SCAPER: variants seen among roughly 807,000 people sequenced by gnomAD.
SCAPER encodes the protein S-phase cyclin A associated protein in the ER.
A neutral mutation model predicts 182.2 loss-of-function variants in SCAPER; 98 were observed. The ratio of observed to expected loss-of-function variants is 0.54; its 90% CI spans 0.46 to 0.64. SCAPER has a LOEUF of 0.64. Ranked by LOEUF, SCAPER falls within the 30% of genes least tolerant of loss-of-function variation. The pLI, the probability that SCAPER is intolerant of heterozygous loss-of-function variation, is 0.00. For synonymous variants in SCAPER, 605 were observed against 564.6 expected (o/e 1.07, Z -1.01); for missense variants, 1,432 against 1,690.0 (o/e 0.85, Z 2.68).
intron 26 of SCAPER, among the ~76,000 whole-genome samples, chr15:76,427,481 A>G (rs541798379): frequency 1.1e-4 from 16 of 152,230 alleles, no homozygotes; most frequent in Non-Finnish European, 1.8e-4. Context: ...ATCACTAATC[A>G]TCAAGGAAAT....
At chr15:76,471,573 A>C (rs1190022472) in intron 24 of SCAPER, among the ~76,000 whole-genome samples, 1 of 152,190 alleles carries the variant, frequency 6.6e-6, no homozygotes, top group East Asian at 1.9e-4. Flanking sequence ...TATTAGCTGC[A>C]GTTGCAGATA....
chr15:76,761,732 C>A (rs137890290), intron 14 of SCAPER, among the ~76,000 whole-genome samples: 1 of 152,106 alleles, frequency 6.6e-6, no homozygotes, highest in African/African-American at 2.4e-5. Flanking sequence ...ACGTTTCATG[C>A]GCACTTGAGA....
At chr15:76,536,443 A>G (rs185342543) in intron 23 of SCAPER, among the ~76,000 whole-genome samples, 1 of 152,356 alleles carries the variant, frequency 6.6e-6, no homozygotes, top group Admixed American at 6.5e-5. Flanking sequence ...TCTGTGTCTC[A>G]CTGTTCTTAT....
At chr15:76,713,846 T>C (rs1015101315) in intron 17 of SCAPER, among the ~76,000 whole-genome samples, 2 of 152,128 alleles carry the variant, frequency 1.3e-5, no homozygotes, top group Non-Finnish European at 2.9e-5. Flanking sequence ...AAGTTTGATA[T>C]ACATCTACTC....
At chr15:76,850,340 G>C (rs2070607642) in intron 4 of SCAPER, among the ~76,000 whole-genome samples, 1 of 152,086 alleles carries the variant, frequency 6.6e-6, no homozygotes, top group African/African-American at 2.4e-5. Context: ...TCTTCACTAG[G>C]CAGGGCCCAT....
At chr15:76,665,532 G>A in intron 21 of SCAPER, 121 bp downstream of exon 21, 1 of 1,187,844 alleles carries the variant, frequency 8.4e-7, no homozygotes, top group Non-Finnish European at 1.1e-6. Flanking sequence ...AGGCTCATCA[G>A]TGTTATTTCC....
intron 2 of SCAPER, among the ~76,000 whole-genome samples, chr15:76,874,412 A>G (rs1193679889): frequency 6.6e-6 from 1 of 152,174 alleles, no homozygotes; most frequent in Non-Finnish European, 1.5e-5. Context: ...CACCATATTA[A>G]ATCCCAAGAA....
intron 23 of SCAPER, among the ~76,000 whole-genome samples, chr15:76,508,043 T>C (rs1331490177): frequency 1.3e-5 from 2 of 152,246 alleles, no homozygotes; most frequent in African/African-American, 2.4e-5. Flanking sequence ...CAAAGCTTTA[T>C]AGTATGCCTT....
At chr15:76,802,809 C>CG (rs1285556681) in intron 6 of SCAPER, among the ~76,000 whole-genome samples, 1 of 152,048 alleles carries the variant, frequency 6.6e-6, no homozygotes, top group African/African-American at 2.4e-5. Flanking sequence ...TGGCAGGAGG[C>CG]GGGGGGAAGC....
Position 76,354,191 on chromosome 15 carries a change from C to A in SCAPER, c.3856-51G>T. The A allele has an allele frequency of 6.5e-7, 1 of 1,539,146 alleles. No individual in the cohort carries two copies. Among genetic ancestry groups the A allele is most frequent in the Non-Finnish European group, 8.8e-7 (1 of 1,141,236 alleles). On this transcript the variant is annotated intron_variant, in intron 29 of 31. Transcript: ENST00000563290. This position sits in a 1 kb window ranked among gnomAD's most constrained non-coding sequence, Gnocchi z 4.4. Reference sequence around the variant, plus strand: ...AGCTGCCGAAACGCCCCAGCCTGTCCCTCACCCACCTGCACAGTGTCGGCT... The same window carrying A: ...AGCTGCCGAAACGCCCCAGCCTGTCACTCACCCACCTGCACAGTGTCGGCT...
intron 25 of SCAPER, among the ~76,000 whole-genome samples, chr15:76,463,642 T>C (rs2049360527): frequency 1.3e-5 from 2 of 152,224 alleles, no homozygotes; most frequent in Non-Finnish European, 2.9e-5. Context: ...GCTAATAAAA[T>C]ATTTAATGCC....
chr15:76,507,035 G>C (rs1177966478), intron 23 of SCAPER, among the ~76,000 whole-genome samples: 5 of 152,146 alleles, frequency 3.3e-5, no homozygotes, highest in Non-Finnish European at 7.3e-5. Context: ...TAAAAAATAA[G>C]ATAGCAACTT....
chr15:76,843,397 A>C (rs566506897), intron 4 of SCAPER, among the ~76,000 whole-genome samples: 1 of 152,330 alleles, frequency 6.6e-6, no homozygotes, highest in Admixed American at 6.5e-5. Flanking sequence ...TATTTTGTAG[A>C]TGACAAAACT....
intron 23 of SCAPER, among the ~76,000 whole-genome samples, chr15:76,515,034 G>A (rs374693581): frequency 6.6e-6 from 1 of 152,180 alleles, no homozygotes. Flanking sequence ...GGTCAAGGAT[G>A]TTACAAGAAC....
intron 27 of SCAPER, among the ~76,000 whole-genome samples, chr15:76,400,594 G>C (rs967256502): frequency 2.0e-5 from 3 of 151,596 alleles, no homozygotes; most frequent in Non-Finnish European, 4.4e-5. Flanking sequence ...GAGACTGAAG[G>C]ATGAGAGGAA....
At chr15:76,674,676 A>G (rs2057257147) in intron 20 of SCAPER, among the ~76,000 whole-genome samples, 2 of 152,200 alleles carry the variant, frequency 1.3e-5, no homozygotes, top group Admixed American at 6.5e-5. Flanking sequence ...AATATGTCAC[A>G]TAAAGCGACC....
In SCAPER at chr15:76,841,720, A is replaced by C. The variant is rs764297456; in HGVS notation, c.393+14T>G. The C allele has an allele frequency of 1.9e-6, 3 of 1,612,304 alleles. No individual in the cohort carries two copies. Among genetic ancestry groups the C allele is most frequent in the Non-Finnish European group, 2.5e-6 (3 of 1,178,882 alleles). On this transcript the variant is annotated intron_variant, in intron 5 of 31. Transcript: ENST00000563290. ...GAGTTCAAATGGATTACAAGGCCTC[A>C]AAGCAAACCTTACCTTACATTCGAC...
intron 17 of SCAPER, among the ~76,000 whole-genome samples, chr15:76,713,740 T>C (rs1263373724): frequency 6.6e-6 from 1 of 152,098 alleles, no homozygotes; most frequent in Non-Finnish European, 1.5e-5. Flanking sequence ...GTAACTAACC[T>C]GCACATTGTG....
At chr15:76,434,034 T>C (rs761717751) in intron 26 of SCAPER, 44 bp downstream of exon 26, 2 of 1,498,114 alleles carry the variant, frequency 1.3e-6, no homozygotes, top group Admixed American at 3.9e-5. Flanking sequence ...TTTAATATAG[T>C]TTCTTAACAA....
Sources: allele counts gnomAD v4.1 joint callset (sites outside exome capture counted in the v4.1 genomes callset), GRCh38; gene constraint gnomAD v4.1.1; non-coding constraint Gnocchi (gnomAD v3.1); transcripts MANE v1.5; gene names NCBI Gene and HGNC (gene_info 2026-07-23, HGNC 2026-07-21).